LRP1B: variants seen among roughly 807,000 people sequenced by gnomAD.
LRP1B encodes low-density lipoprotein receptor-related protein 1B.
A neutral mutation model predicts 556.6 loss-of-function variants in LRP1B; 217 were observed. The ratio of observed to expected loss-of-function variants is 0.39; its 90% CI spans 0.35 to 0.44. LRP1B has a LOEUF of 0.44. Among genes scored for constraint, LRP1B ranks in the 20% least tolerant of loss-of-function variants. The pLI, the probability that LRP1B is intolerant of heterozygous loss-of-function variation, is 1.00. For missense variants in LRP1B, 5,053 were observed against 5,620.8 expected, an observed-to-expected ratio of 0.90 and a Z score of 3.23; for synonymous variants, 2,047 against 1,865.8, an observed-to-expected ratio of 1.10 and a Z score of -2.50.
chr2:140,759,904 G>A (rs1688857689), intron 35 of LRP1B, among the ~76,000 whole-genome samples: 1 of 152,166 alleles, frequency 6.6e-6, no homozygotes, highest in South Asian at 2.1e-4. Flanking sequence ...ACAGCTGTAA[G>A]CAATTTCTTG....
At chr2:141,776,500 C>G (rs953409216) in intron 2 of LRP1B, among the ~76,000 whole-genome samples, 5 of 152,126 alleles carry the variant, frequency 3.3e-5, no homozygotes, top group African/African-American at 1.2e-4. Flanking sequence ...GCTCTATGTT[C>G]CTGAACAGTA....
intron 1 of LRP1B, among the ~76,000 whole-genome samples, chr2:142,066,668 G>A (rs575922529): frequency 1.8e-4 from 27 of 151,396 alleles, no homozygotes; most frequent in African/African-American, 4.3e-4. Context: ...ATTGACTTCC[G>A]TATTTCTACT....
intron 1 of LRP1B, among the ~76,000 whole-genome samples, chr2:141,926,417 G>A (rs148255755): frequency 2.6e-5 from 4 of 152,208 alleles, no homozygotes; most frequent in East Asian, 1.9e-4. Flanking sequence ...TGAGCACAGC[G>A]CTTAGAAACT....
chr2:141,389,167 G>A lies in LRP1B; in HGVS notation c.343+91229C>T, dbSNP rs998035528. On this transcript the variant is annotated intron_variant, in intron 3 of 90. Transcript: ENST00000389484. Reference sequence around the variant, plus strand: ...ATGGAATTACAAGGGTCTCTGAGTAGCCGAAAGAACCTAGAATAAGAACAA... The same window carrying A: ...ATGGAATTACAAGGGTCTCTGAGTAACCGAAAGAACCTAGAATAAGAACAA... Among the ~76,000 whole-genome samples, 8 of 152,238 alleles carry A rather than the reference G, an allele frequency of 5.3e-5. No individual in the cohort carries two copies. The East Asian group carries it at 1.5e-3, about 29-fold the overall frequency.
Position 141,779,388 on chromosome 2 carries a change from T to G in LRP1B, c.205+30891A>C, listed in dbSNP as rs1199055004. 1.3e-5 allele frequency among the ~76,000 whole-genome samples: 2 copies of G among 151,952 alleles called. 1 individual carries two copies. The highest frequency in any genetic ancestry group is 6.4e-3 in the Middle Eastern group (2 of 314). ...TATACTGCATTATCAAAATGTAATG[T>G]GATTATAGACAAATATGTTCAAAAT... On this transcript the variant is annotated intron_variant, in intron 2 of 90. Coordinates refer to ENST00000389484, the MANE Select transcript of LRP1B (RefSeq NM_018557.3).
chr2:140,572,795 C>CATAAAATAAA (rs58239958), intron 43 of LRP1B, among the ~76,000 whole-genome samples: 82,647 of 134,686 alleles, frequency 0.61, 26,559 homozygotes, highest in Non-Finnish European at 0.71. Flanking sequence ...ACTATTCAGC[C>CATAAAATAAA]ATAAAATAAA....
intron 1 of LRP1B, among the ~76,000 whole-genome samples, chr2:141,909,225 T>A (rs1193705330): frequency 6.6e-6 from 1 of 152,118 alleles, no homozygotes; most frequent in Non-Finnish European, 1.5e-5. Context: ...TCTGTTTCTA[T>A]ATTGCTTAAA....
chr2:141,494,444 G>C (rs1403138450), intron 2 of LRP1B, among the ~76,000 whole-genome samples: 2 of 152,012 alleles, frequency 1.3e-5, no homozygotes, highest in East Asian at 1.9e-4. Flanking sequence ...CACTCAGCCA[G>C]ATTATCCCTA....
At chr2:141,485,716 G>C (rs141600892) in intron 2 of LRP1B, among the ~76,000 whole-genome samples, 1 of 152,238 alleles carries the variant, frequency 6.6e-6, no homozygotes, top group East Asian at 1.9e-4. Context: ...GGACAGAAGA[G>C]CCACTCTGAT....
At chr2:140,366,310 T>C (rs1239163648) in intron 71 of LRP1B, among the ~76,000 whole-genome samples, 1 of 151,704 alleles carries the variant, frequency 6.6e-6, no homozygotes, top group Non-Finnish European at 1.5e-5. Context: ...ATAAACATCG[T>C]ACTCATTTTT....
At chr2:141,240,800 G>A (rs1042257496) in intron 5 of LRP1B, among the ~76,000 whole-genome samples, 4 of 151,910 alleles carry the variant, frequency 2.6e-5, no homozygotes, top group Admixed American at 1.3e-4. Context: ...ACTCAAACAC[G>A]GAAGTTCTCA....
intron 2 of LRP1B, among the ~76,000 whole-genome samples, chr2:141,500,687 T>A (rs1683682767): frequency 1.3e-5 from 2 of 152,148 alleles, no homozygotes; most frequent in Non-Finnish European, 2.9e-5. Context: ...GGTCAGTGGT[T>A]CCTCTTGGAT....
chr2:141,743,596 G>C (rs1487851607), intron 2 of LRP1B, among the ~76,000 whole-genome samples: 1 of 148,992 alleles, frequency 6.7e-6, no homozygotes, highest in African/African-American at 2.5e-5. Flanking sequence ...TGGGTCCCAG[G>C]CTTTTCTTTG....
At chr2:141,190,313 C>A (rs899153196) in intron 6 of LRP1B, among the ~76,000 whole-genome samples, 1 of 151,956 alleles carries the variant, frequency 6.6e-6, no homozygotes, top group Non-Finnish European at 1.5e-5. Flanking sequence ...TGTCTGCTGT[C>A]AAGTTTATTC....
chr2:140,730,540 C>A (rs773747995), intron 35 of LRP1B, among the ~76,000 whole-genome samples: 2 of 151,762 alleles, frequency 1.3e-5, no homozygotes, highest in African/African-American at 2.4e-5. Context: ...TACTTTCTTC[C>A]CCATATTCAA....
intron 31 of LRP1B, among the ~76,000 whole-genome samples, chr2:140,822,820 A>G (rs924782600): frequency 6.6e-6 from 1 of 152,212 alleles, no homozygotes; most frequent in Non-Finnish European, 1.5e-5. Flanking sequence ...AAGATTTCAT[A>G]TGGTTTTAGA....
Position 140,572,125 on chromosome 2 carries a change from T to A in LRP1B, c.7194+26506A>T, listed in dbSNP as rs559943281. On this transcript the variant is annotated intron_variant, in intron 43 of 90. Transcript: ENST00000389484. ...AAAGACCTCACAAACAGAGACAACATAAGCAAAAATAGACAATTGGGATTA... is the reference window on the plus strand; with the variant it reads ...AAAGACCTCACAAACAGAGACAACAAAAGCAAAAATAGACAATTGGGATTA... Among the ~76,000 whole-genome samples the A allele has an allele frequency of 6.0e-4, 91 of 151,496 alleles. 1 individual carries two copies. Among genetic ancestry groups the A allele is most frequent in the Non-Finnish European group, 1.1e-3 (71 of 67,596 alleles).
chr2:140,703,471 C>T (rs1317208694), intron 37 of LRP1B, among the ~76,000 whole-genome samples: 2 of 152,034 alleles, frequency 1.3e-5, no homozygotes, highest in East Asian at 3.9e-4. Context: ...CTTCTTAATT[C>T]TTAATTTGAA....
At chr2:141,823,741 T>G (rs1374192678) in intron 1 of LRP1B, among the ~76,000 whole-genome samples, 1 of 152,218 alleles carries the variant, frequency 6.6e-6, no homozygotes, top group Non-Finnish European at 1.5e-5. Context: ...AAGATCATAG[T>G]TCACTGCAGC....
Sources: gnomAD v4.1 joint callset for allele counts (sites outside exome capture counted in the v4.1 genomes callset) on GRCh38, gnomAD v4.1.1 for gene constraint, MANE v1.5 for transcripts, NCBI Gene and HGNC (gene_info 2026-07-23, HGNC 2026-07-21) for gene names.